The following TTC21B variants were observed in gnomAD, a reference collection of about 807,000 sequenced individuals.
TTC21B encodes tetratricopeptide repeat protein 21B.
TTC21B carries 127 observed loss-of-function variants against 175.1 expected under a neutral mutation model. The observed-to-expected ratio is 0.73, with a 90% confidence interval of 0.63 to 0.84. The LOEUF is 0.84. Ranked by LOEUF, TTC21B falls within the 40% of genes least tolerant of loss-of-function variation. The pLI is 0.00. For missense variants in TTC21B, 1,561 were observed against 1,558.3 expected, an observed-to-expected ratio of 1.00 and a Z score of -0.03; for synonymous variants, 524 against 524.5, an observed-to-expected ratio of 1.00 and a Z score of 0.01.
At chr2:165,929,430 T>G (rs934208493) in intron 10 of TTC21B, 95 bp from the exon 11 acceptor site, 1 of 1,059,692 alleles carries the variant, frequency 9.4e-7, no homozygotes, top group African/African-American at 1.6e-5. Context: ...GCTACTGATA[T>G]GCAATTATTT....
Position 165,874,597 on chromosome 2 carries a change from T to C in TTC21B, c.*158A>G, listed in dbSNP as rs1047150809. On this transcript the variant is annotated 3_prime_UTR_variant, in exon 29 of 29. Transcript: ENST00000243344. ...TCCATTAGGAAACACCAATTTCACA[T>C]AGTACTTCTCTTGATGTACAGCAGC... 6.3e-5 allele frequency: 41 copies of C among 651,668 alleles called. No individual in the cohort carries two copies. The African/African-American group carries it at 6.6e-4, about 10-fold the overall frequency. The allele number at this position is 651,668 out of a possible 1,614,324, so 40.4% of individuals were successfully genotyped here. A position where few individuals can be genotyped will look rare whatever the true frequency, so the allele number is the denominator to read the frequency against.
At position 165,907,677 on chromosome 2, in the gene TTC21B, C is replaced by T; in HGVS notation, c.2568+1G>A. On this transcript the variant is annotated splice_donor_variant, in intron 19 of 28. Transcript: ENST00000243344. LOFTEE classifies it high-confidence loss of function. ...CCACACTCACAGACAAATGTGTTTA[C>T]CTGTTGTAATGCAGTGATCGCATCA... 6.3e-7 allele frequency: 1 copy of T among 1,593,994 alleles called. No individual in the cohort carries two copies.
chr2:165,914,862 C>G (rs1260930913), intron 15 of TTC21B, among the ~76,000 whole-genome samples: 2 of 151,898 alleles, frequency 1.3e-5, no homozygotes, highest in Admixed American at 1.3e-4. Context: ...CTGCCTATCC[C>G]GTAGATTATT....
intron 22 of TTC21B, among the ~76,000 whole-genome samples, chr2:165,894,893 C>T (rs1422915043): frequency 3.3e-5 from 5 of 152,022 alleles, no homozygotes; most frequent in South Asian, 2.1e-4. Context: ...GTAATAAAGA[C>T]GTATGGACAA....
rs182774406 is a variant in TTC21B at position 165,935,338 on chromosome 2, T to C, written c.711-2281A>G. Among the ~76,000 whole-genome samples the C allele has an allele frequency of 2.1e-3, 314 of 152,334 alleles. 2 individuals carry two copies. Among genetic ancestry groups the C allele is most frequent in the African/African-American group, 6.8e-3 (281 of 41,582 alleles). ...CCTTTGGGAAACTTCTCTGCAGATA[T>C]AGTCCTACATGTGTTCAAAGAGGTA... On this transcript the variant is annotated intron_variant, in intron 6 of 28. Coordinates refer to ENST00000243344, the MANE Select transcript of TTC21B (RefSeq NM_024753.5).
intron 22 of TTC21B, 146 bp downstream of exon 22, chr2:165,898,540 A>G: frequency 1.4e-6 from 1 of 705,068 alleles, no homozygotes; most frequent in Non-Finnish European, 2.6e-6. Context: ...TAGCCATTTC[A>G]GCTACTCAAG....
chr2:165,923,201 T>C (rs571507023), intron 12 of TTC21B, among the ~76,000 whole-genome samples: 174 of 152,116 alleles, frequency 1.1e-3, no homozygotes, highest in African/African-American at 4.0e-3. Context: ...TTCATCCATG[T>C]ATCCAAAAAC....
rs1553511316 is a variant in TTC21B, at chr2:165,914,678, T to TGTGTGTGTGTGTGTGTGCGCGCGCGC, written c.2138+522_2138+523insGCGCGCGCGCACACACACACACACAC. On this transcript the variant is annotated intron_variant, in intron 15 of 28. Transcript: ENST00000243344. ...CAATCTGTGTGTGTGTGTGTGTGTG[T>TGTGTGTGTGTGTGTGTGCGCGCGCGC]GTGTGTGTGTGTGTGTGTGTTGTGT... Among the ~76,000 whole-genome samples the TGTGTGTGTGTGTGTGTGCGCGCGCGC allele has an allele frequency of 2.0e-4, 24 of 117,844 alleles. 1 individual carries two copies. Among genetic ancestry groups the TGTGTGTGTGTGTGTGTGCGCGCGCGC allele is most frequent in the African/African-American group, 9.5e-4 (24 of 25,292 alleles). The allele number at this position is 117,844 out of a possible 152,430, so 77.3% of individuals were successfully genotyped here.
At position 165,943,294 on chromosome 2, in the gene TTC21B, A is replaced by T; in HGVS notation, c.477T>A (p.Pro159=). The part of the protein sequence containing the change: ...AWLDITRGKE[P]YTKKALKYFE... ...AATACTTCAGTGCTTTTTTAGTGTA[A>T]GGCTCTTTTCCTCTTGTAATATCAA... The change falls in exon 5 of 29, where the codon CCT becomes CCA. Residue 159 remains proline, a synonymous_variant. Transcript: ENST00000243344. 6.2e-7 allele frequency: 1 copy of T among 1,611,892 alleles called. No homozygotes were observed.
intron 11 of TTC21B, among the ~76,000 whole-genome samples, chr2:165,925,920 T>C (rs1686609574): frequency 6.6e-6 from 1 of 152,220 alleles, no homozygotes; most frequent in South Asian, 2.1e-4. Context: ...ATGTTCTTTG[T>C]CACCTGCTAA....
intron 12 of TTC21B, among the ~76,000 whole-genome samples, chr2:165,924,233 T>C (rs1190194285): frequency 1.3e-5 from 2 of 152,228 alleles, no homozygotes; most frequent in Non-Finnish European, 2.9e-5. Flanking sequence ...GTTATACCAG[T>C]AAGAACACAA....
chr2:165,952,276 A>G (rs1687782380), intron 1 of TTC21B, among the ~76,000 whole-genome samples: 1 of 152,262 alleles, frequency 6.6e-6, no homozygotes, highest in Non-Finnish European at 1.5e-5. Context: ...CATGAAAATT[A>G]CATGAAAGTC....
intron 28 of TTC21B, among the ~76,000 whole-genome samples, chr2:165,875,200 T>C (rs1262944813): frequency 6.6e-6 from 1 of 152,214 alleles, no homozygotes; most frequent in East Asian, 1.9e-4. Context: ...CAGCACACAT[T>C]AGCTTTACCT....
At chr2:165,951,936 T>C (rs1237043089) in intron 1 of TTC21B, among the ~76,000 whole-genome samples, 1 of 152,130 alleles carries the variant, frequency 6.6e-6, no homozygotes, top group Non-Finnish European at 1.5e-5. Flanking sequence ...GAAAGATTAT[T>C]GGGGAGGATT....
intron 19 of TTC21B, 29 bp from the exon 20 acceptor site, chr2:165,901,939 A>T (rs1685583458): frequency 2.9e-6 from 4 of 1,394,840 alleles, no homozygotes; most frequent in Admixed American, 2.2e-5. Flanking sequence ...AAAGGGAATA[A>T]AAAAAAAAAA....
intron 4 of TTC21B, among the ~76,000 whole-genome samples, chr2:165,945,109 G>A (rs753557528): frequency 6.6e-6 from 1 of 152,044 alleles, no homozygotes; most frequent in Non-Finnish European, 1.5e-5. Context: ...ATGCACTACT[G>A]GGTTATTCAT....
At position 165,945,663 on chromosome 2, in the gene TTC21B, G is replaced by C. The variant is rs762075974; in HGVS notation, c.290C>G (p.Ala97Gly). Reference sequence around the variant, plus strand: ...TCCTTTACGTTGTTCCTTCACTCTGGCATCTGATTCCAGAATAGCTTCTCT... The same window carrying C: ...TCCTTTACGTTGTTCCTTCACTCTGCCATCTGATTCCAGAATAGCTTCTCT... ...PDREAILESDARVKEQRKGAG... is the reference protein window; with the variant it reads ...PDREAILESDGRVKEQRKGAG... Residue 97 changes from alanine to glycine, a missense_variant, in exon 4 of 29, where the codon GCC becomes GGC. Coordinates refer to ENST00000243344, the MANE Select transcript of TTC21B (RefSeq NM_024753.5). 1.2e-6 allele frequency: 2 copies of C among 1,613,416 alleles called. No homozygotes were observed. Among genetic ancestry groups the C allele is most frequent in the Non-Finnish European group, 1.7e-6 (2 of 1,179,898 alleles).
At chr2:165,931,553 T>C (rs1686906708) in intron 8 of TTC21B, among the ~76,000 whole-genome samples, 1 of 152,172 alleles carries the variant, frequency 6.6e-6, no homozygotes, top group South Asian at 2.1e-4. Context: ...GATCAGTAAG[T>C]GGCATTTCCT....
intron 21 of TTC21B, among the ~76,000 whole-genome samples, 170 bp downstream of exon 21, chr2:165,899,600 C>G (rs1220139078): frequency 6.6e-6 from 1 of 152,110 alleles, no homozygotes; most frequent in Non-Finnish European, 1.5e-5. Context: ...AAATAAAATC[C>G]TAATGATTCT....
Sources: allele counts gnomAD v4.1 joint callset (sites outside exome capture counted in the v4.1 genomes callset), GRCh38; gene constraint gnomAD v4.1.1; transcripts MANE v1.5; gene names NCBI Gene and HGNC (gene_info 2026-07-23, HGNC 2026-07-21).